TSEN2: variants seen among roughly 807,000 people sequenced by gnomAD.
The protein encoded by TSEN2 is tRNA splicing endonuclease subunit 2, also known as tRNA-splicing endonuclease subunit Sen2.
A neutral mutation model predicts 59.2 loss-of-function variants in TSEN2; 54 were observed. The observed-to-expected ratio is 0.91, with a 90% confidence interval of 0.73 to 1.14. The LOEUF is 1.14. Ranked by LOEUF, TSEN2 falls within the 50% of genes most tolerant of loss-of-function variation. The pLI is 0.00. For missense variants in TSEN2, 636 were observed against 576.2 expected, an observed-to-expected ratio of 1.10 and a Z score of -1.06; for synonymous variants, 195 against 198.2, an observed-to-expected ratio of 0.98 and a Z score of 0.14.
downstream of TSEN2, among the ~76,000 whole-genome samples, chr3:12,538,452 T>C (rs533274643): frequency 4.0e-4 from 61 of 152,282 alleles, 1 homozygote; most frequent in African/African-American, 8.2e-4. Context: ...AACGCTCAGT[T>C]GGCCATTTAG....
intron 8 of TSEN2, 28 bp from the exon 9 acceptor site, chr3:12,528,860 A>ACTTCTTTTTTTTCTTT: frequency 6.2e-7 from 1 of 1,613,250 alleles, no homozygotes; most frequent in Non-Finnish European, 8.5e-7. Flanking sequence ...GAGTGGTTAT[A>ACTTCTTTTTTTTCTTT]CTTCTTTTTT....
At chr3:12,530,865 T>C in intron 10 of TSEN2, 1 of 640,360 alleles carries the variant, frequency 1.6e-6, no homozygotes, top group Non-Finnish European at 1.9e-6. Context: ...AAAACAATGT[T>C]GAAGTTTATT....
chr3:12,535,527 C>G (rs2057655095), downstream of TSEN2, among the ~76,000 whole-genome samples: 11 of 152,100 alleles, frequency 7.2e-5, no homozygotes, highest in South Asian at 2.3e-3. Context: ...GGCAAATGTT[C>G]TTTCTAACGT....
At chr3:12,505,302 C>A in intron 6 of TSEN2, 71 bp downstream of exon 6, 1 of 929,576 alleles carries the variant, frequency 1.1e-6, no homozygotes, top group African/African-American at 1.6e-5. Flanking sequence ...GTGAACCTAC[C>A]TCACAGTGTA....
intron 3 of TSEN2, among the ~76,000 whole-genome samples, chr3:12,495,018 T>C (rs895095402): frequency 6.9e-6 from 1 of 145,066 alleles, no homozygotes; most frequent in Non-Finnish European, 1.5e-5. Context: ...CCCAGCTACT[T>C]GGGAGGCTGA....
intron 11 of TSEN2, among the ~76,000 whole-genome samples, chr3:12,532,323 G>A (rs41293389): frequency 0.021 from 3,204 of 152,202 alleles, 53 homozygotes; most frequent in Non-Finnish European, 0.032. Context: ...TCCCTTCTCA[G>A]TAGCTGGCCC....
At chr3:12,529,703 T>C (rs2057336903) in intron 9 of TSEN2, 59 bp from the exon 10 acceptor site, 1 of 1,498,098 alleles carries the variant, frequency 6.7e-7, no homozygotes, top group Non-Finnish European at 9.3e-7. Context: ...GGACAAATAT[T>C]CTTTTTAAAC....
At chr3:12,513,525 CATT>C (rs2055723096) in intron 6 of TSEN2, among the ~76,000 whole-genome samples, 1 of 152,136 alleles carries the variant, frequency 6.6e-6, no homozygotes, top group Admixed American at 6.5e-5. Context: ...GCTAAGAAAG[CATT>C]ATTATCCCCA....
intron 7 of TSEN2, among the ~76,000 whole-genome samples, chr3:12,518,013 T>A (rs529316918): frequency 6.6e-5 from 10 of 152,128 alleles, no homozygotes; most frequent in Non-Finnish European, 1.3e-4. Flanking sequence ...ACTGAGTGAC[T>A]GAGCCTTAAA....
intron 8 of TSEN2, among the ~76,000 whole-genome samples, chr3:12,523,158 C>G (rs137967932): frequency 9.2e-5 from 14 of 152,134 alleles, no homozygotes; most frequent in African/African-American, 3.4e-4. Flanking sequence ...GCCAAGAAGC[C>G]GAAAACTAAC....
At chr3:12,498,879 T>C (rs1242368215) in intron 4 of TSEN2, among the ~76,000 whole-genome samples, 1 of 152,184 alleles carries the variant, frequency 6.6e-6, no homozygotes, top group African/African-American at 2.4e-5. Context: ...AATTGATGCA[T>C]GTTCATATTT....
chr3:12,536,864 G>A (rs1324481353), downstream of TSEN2, among the ~76,000 whole-genome samples: 3 of 151,982 alleles, frequency 2.0e-5, no homozygotes, highest in Admixed American at 6.6e-5. Context: ...TTAGCCGGAC[G>A]TGGTGGCAGG....
At chr3:12,488,398 A>AT (rs748788431) in intron 1 of TSEN2, among the ~76,000 whole-genome samples, 1 of 152,226 alleles carries the variant, frequency 6.6e-6, no homozygotes, top group African/African-American at 2.4e-5. Flanking sequence ...GGAGCAGCAG[A>AT]TTCAAGTTTC....
At chr3:12,513,883 GAA>G (rs1447828593) in intron 6 of TSEN2, among the ~76,000 whole-genome samples, 15 of 152,238 alleles carry the variant, frequency 9.9e-5, no homozygotes, top group African/African-American at 3.6e-4. Flanking sequence ...TTCACACTGA[GAA>G]GAGATGAGCT....
downstream of TSEN2, among the ~76,000 whole-genome samples, chr3:12,534,074 G>A (rs1323501552): frequency 1.3e-5 from 2 of 152,062 alleles, no homozygotes; most frequent in African/African-American, 2.4e-5. Flanking sequence ...CTGAAATGGC[G>A]CTATCCTAAA....
chr3:12,501,172 T>C (rs1254829600), intron 4 of TSEN2, among the ~76,000 whole-genome samples: 2 of 152,216 alleles, frequency 1.3e-5, no homozygotes, highest in Non-Finnish European at 2.9e-5. Flanking sequence ...GAAGACACCC[T>C]GCAGGTTGTG....
chr3:12,484,552 C>T lies in TSEN2; in HGVS notation c.-346C>T, dbSNP rs1291473723. ...CTGGGCGAGGAAAGCGCGGCCCTTT[C>T]CGAGTTTGGTGTTTTGCAGCGAAAG... On this transcript the variant is annotated 5_prime_UTR_variant, in exon 1 of 12. Transcript: ENST00000284995. 2.0e-5 allele frequency: 3 copies of T among 152,322 alleles called. No homozygotes were observed. The highest frequency in any genetic ancestry group is 4.4e-5 in the Non-Finnish European group (3 of 68,100). The allele number at this position is 152,322 out of a possible 1,614,324, so 9.4% of individuals were successfully genotyped here.
upstream of TSEN2, among the ~76,000 whole-genome samples, chr3:12,483,079 G>C (rs541757343): frequency 2.0e-5 from 3 of 152,326 alleles, no homozygotes; most frequent in East Asian, 3.9e-4. Context: ...CCACAGTGCA[G>C]TTCAAAAAGG....
chr3:12,534,274 A>T (rs987921535), downstream of TSEN2, among the ~76,000 whole-genome samples: 1 of 152,178 alleles, frequency 6.6e-6, no homozygotes, highest in Non-Finnish European at 1.5e-5. Context: ...GAAAGATTCC[A>T]TGACGACCAC....
Sources: allele counts gnomAD v4.1 joint callset (sites outside exome capture counted in the v4.1 genomes callset), GRCh38; gene constraint gnomAD v4.1.1; transcripts MANE v1.5; gene names NCBI Gene and HGNC (gene_info 2026-07-23, HGNC 2026-07-21).